The following KDM2A variants were observed in gnomAD, a reference collection of about 807,000 sequenced individuals.
KDM2A encodes lysine-specific demethylase 2A.
Under a neutral mutation model 137.3 loss-of-function variants are expected in KDM2A, and 3 were observed. The observed-to-expected ratio is 0.02, with a 90% CI of 0.01 to 0.06. KDM2A has a LOEUF of 0.06. KDM2A is among the 10% of genes least tolerant of loss of function. The pLI is 1.00. For missense variants in KDM2A, 738 were observed against 1,510.6 expected (o/e 0.49, Z 8.48); for synonymous variants, 512 against 541.5 (o/e 0.95, Z 0.76).
In KDM2A at chr11:67,252,675, C is replaced by T. The variant is rs1859468309; in HGVS notation, c.2769-19C>T. On this transcript the variant is annotated intron_variant, in intron 17 of 20. Transcript: ENST00000529006. ...CTGATCAAGTTAATGAAGGCGAGTT[C>T]TCTTCCCTTCTATCACAGGTGCTGC... 3.1e-6 allele frequency: 5 copies of T among 1,613,678 alleles called. No homozygotes were observed. Among genetic ancestry groups the T allele is most frequent in the Admixed American group, 1.7e-5 (1 of 59,984 alleles).
At chr11:67,244,896 G>A (rs1859158670) in intron 13 of KDM2A, among the ~76,000 whole-genome samples, 1 of 151,302 alleles carries the variant, frequency 6.6e-6, no homozygotes, top group Admixed American at 6.6e-5. Context: ...TGAGGCAGGA[G>A]AATGGCGGGA....
intron 2 of KDM2A, among the ~76,000 whole-genome samples, chr11:67,161,689 T>C (rs973953202): frequency 6.6e-6 from 1 of 152,204 alleles, no homozygotes; most frequent in African/African-American, 2.4e-5. Flanking sequence ...CAACATGTGG[T>C]CTGGGGATAT....
intron 5 of KDM2A, among the ~76,000 whole-genome samples, chr11:67,186,114 T>C (rs977497468): frequency 3.9e-5 from 6 of 151,994 alleles, no homozygotes; most frequent in Non-Finnish European, 8.8e-5. Context: ...TTTCCCAAAT[T>C]TGATGAAAGA....
intron 2 of KDM2A, among the ~76,000 whole-genome samples, chr11:67,145,084 C>T (rs554606732): frequency 1.4e-4 from 20 of 146,582 alleles, no homozygotes; most frequent in African/African-American, 3.0e-4. Context: ...GTTGGCCAGG[C>T]GGGTCTTGAA....
At chr11:67,252,898 A>G in intron 18 of KDM2A, 41 bp downstream of exon 18, 1 of 1,568,902 alleles carries the variant, frequency 6.4e-7, no homozygotes, top group Non-Finnish European at 8.7e-7. Context: ...AGGGGCCCAG[A>G]AGAAGCGGGC....
intron 2 of KDM2A, among the ~76,000 whole-genome samples, chr11:67,147,415 G>T (rs551561801): frequency 6.6e-6 from 1 of 151,890 alleles, no homozygotes; most frequent in South Asian, 2.1e-4. Context: ...GGTGGCGGGT[G>T]CCTGTAGTCC....
chr11:67,168,087 C>G (rs1856786695), intron 2 of KDM2A, among the ~76,000 whole-genome samples: 1 of 152,100 alleles, frequency 6.6e-6, no homozygotes. Flanking sequence ...ATGAAATTAT[C>G]AAACTTTGTA....
At chr11:67,137,869 C>T (rs1186937687) in intron 2 of KDM2A, among the ~76,000 whole-genome samples, 1 of 152,116 alleles carries the variant, frequency 6.6e-6, no homozygotes, top group African/African-American at 2.4e-5. Flanking sequence ...GCGATCTCGG[C>T]TCACTGCAAC....
At position 67,150,832 on chromosome 11, in the gene KDM2A, T is replaced by C. The variant is rs991984989; in HGVS notation, c.43-29247T>C. Among the ~76,000 whole-genome samples, 2 of 146,636 alleles carry C rather than the reference T, an allele frequency of 1.4e-5. 1 individual carries two copies. The highest frequency in any genetic ancestry group is 3.0e-5 in the Non-Finnish European group (2 of 66,590). Reference sequence around the variant, plus strand: ...AATAAAATTAAAATGCCAAGGTAAATGGTGTTAATTCTAAACATTTTGGAG... The same window carrying C: ...AATAAAATTAAAATGCCAAGGTAAACGGTGTTAATTCTAAACATTTTGGAG... On this transcript the variant is annotated intron_variant, in intron 2 of 20. Coordinates refer to ENST00000529006, the MANE Select transcript of KDM2A (RefSeq NM_012308.3).
At chr11:67,190,229 A>T (rs1388144342) in intron 5 of KDM2A, among the ~76,000 whole-genome samples, 1 of 152,092 alleles carries the variant, frequency 6.6e-6, no homozygotes, top group Admixed American at 6.6e-5. Context: ...GGCCAATGTG[A>T]TGAAACCCTG....
chr11:67,141,841 A>G (rs1437843521), intron 2 of KDM2A, among the ~76,000 whole-genome samples: 3 of 151,446 alleles, frequency 2.0e-5, no homozygotes, highest in Non-Finnish European at 4.4e-5. Flanking sequence ...CACCCTTCCC[A>G]GCCTCTGGTG....
intron 5 of KDM2A, among the ~76,000 whole-genome samples, chr11:67,201,205 T>A (rs12293866): frequency 0.27 from 14,412 of 53,704 alleles, 743 homozygotes; most frequent in Non-Finnish European, 0.28. Flanking sequence ...AAAAAAAAAA[T>A]ATATATATAT....
intron 11 of KDM2A, among the ~76,000 whole-genome samples, chr11:67,229,452 A>T (rs1316107103): frequency 6.6e-6 from 1 of 152,228 alleles, no homozygotes; most frequent in African/African-American, 2.4e-5. Flanking sequence ...ACTGGTGAGG[A>T]CTCAACACCA....
chr11:67,137,020 A>G (rs1855983373), intron 2 of KDM2A, among the ~76,000 whole-genome samples: 1 of 152,224 alleles, frequency 6.6e-6, no homozygotes, highest in African/African-American at 2.4e-5. Flanking sequence ...CTTTCCTGAG[A>G]GAGGCTTTGA....
chr11:67,242,872 A>C, intron 12 of KDM2A, 137 bp from the exon 13 acceptor site: 2 of 604,434 alleles, frequency 3.3e-6, no homozygotes, highest in Non-Finnish European at 6.1e-6. Context: ...CTCTATATGA[A>C]GGGCAAATAC....
At chr11:67,204,261 G>C (rs542517233) in intron 5 of KDM2A, among the ~76,000 whole-genome samples, 11 of 152,036 alleles carry the variant, frequency 7.2e-5, no homozygotes, top group Non-Finnish European at 1.0e-4. Flanking sequence ...GTGTCATCAA[G>C]TTTTTTCACA....
At chr11:67,152,928 G>A (rs1007568863) in intron 2 of KDM2A, among the ~76,000 whole-genome samples, 2 of 149,990 alleles carry the variant, frequency 1.3e-5, no homozygotes, top group Admixed American at 6.6e-5. Flanking sequence ...GTGTGTGTGT[G>A]TGTGTGTGTG....
At chr11:67,160,580 C>T (rs190743236) in intron 2 of KDM2A, among the ~76,000 whole-genome samples, 4 of 151,866 alleles carry the variant, frequency 2.6e-5, no homozygotes, top group East Asian at 1.9e-4. Context: ...GAGACCAGCC[C>T]GGCCAACATG....
At chr11:67,241,503 A>G (rs757596686) in intron 12 of KDM2A, among the ~76,000 whole-genome samples, 1 of 150,112 alleles carries the variant, frequency 6.7e-6, no homozygotes, top group Non-Finnish European at 1.5e-5. Flanking sequence ...GAAAATACAT[A>G]AAAGTCCTGG....
Sources: allele counts gnomAD v4.1 joint callset (sites outside exome capture counted in the v4.1 genomes callset), GRCh38; gene constraint gnomAD v4.1.1; transcripts MANE v1.5; gene names NCBI Gene and HGNC (gene_info 2026-07-23, HGNC 2026-07-21).